The following TUFT1 variants were observed in gnomAD, a reference collection of about 807,000 sequenced individuals.
TUFT1 encodes the protein tuftelin 1.
TUFT1 carries 43 observed loss-of-function variants against 57.8 expected under a neutral mutation model. That is an observed-to-expected ratio of 0.74 (90% CI 0.58 to 0.96). The LOEUF (loss-of-function observed/expected upper bound fraction) is 0.96. TUFT1 is among the 40% of genes least tolerant of loss of function. TUFT1 has a pLI of 0.00. For synonymous variants in TUFT1, 166 were observed against 176.7 expected, an observed-to-expected ratio of 0.94 and a Z score of 0.48; for missense variants, 459 against 489.0, an observed-to-expected ratio of 0.94 and a Z score of 0.58.
At chr1:151,576,558 C>G (rs1244710909) in intron 9 of TUFT1, among the ~76,000 whole-genome samples, 2 of 152,178 alleles carry the variant, frequency 1.3e-5, no homozygotes, top group Non-Finnish European at 1.5e-5. Context: ...TGGGGGTTCC[C>G]ATATCCTCTT....
intron 1 of TUFT1, among the ~76,000 whole-genome samples, chr1:151,554,468 T>C (rs112511848): frequency 0.018 from 2,744 of 152,242 alleles, 70 homozygotes; most frequent in African/African-American, 0.062. Context: ...GGCACGATCT[T>C]GGCTCACTGC....
At chr1:151,552,812 C>G (rs115502990) in intron 1 of TUFT1, among the ~76,000 whole-genome samples, 10,733 of 148,522 alleles carry the variant, frequency 0.072, 516 homozygotes, top group Non-Finnish European at 0.091. Context: ...CAGAGGAAAA[C>G]GTCCATTATT....
intron 1 of TUFT1, among the ~76,000 whole-genome samples, chr1:151,546,286 A>G (rs888060398): frequency 1.3e-5 from 2 of 152,152 alleles, no homozygotes; most frequent in South Asian, 2.1e-4. Context: ...AAGTCTTTCC[A>G]GAGCCTCACT....
At chr1:151,565,396 G>T (rs970750079) in intron 5 of TUFT1, among the ~76,000 whole-genome samples, 5 of 152,270 alleles carry the variant, frequency 3.3e-5, no homozygotes, top group Non-Finnish European at 5.9e-5. Flanking sequence ...TCTTGCTCCA[G>T]CAGCAGCCCC....
chr1:151,557,935 C>G, intron 1 of TUFT1: 1 of 652,054 alleles, frequency 1.5e-6, no homozygotes, highest in Non-Finnish European at 2.9e-6. Context: ...TCAGCCACCT[C>G]AGTAAAATTG....
chr1:151,575,064 ATACAGCCTGTTGCTCCTGTGGTGGCCTGG>A (rs1666418706), intron 9 of TUFT1, 59 bp downstream of exon 9: 1 of 1,457,272 alleles, frequency 6.9e-7, no homozygotes. Flanking sequence ...AGGGCAGGCC[ATACAGCCTGTTGCTCCTGTGGTGGCCTGG>A]TCTGGGGAGG....
chr1:151,554,695 CTTTT>C (rs771656418), intron 1 of TUFT1, among the ~76,000 whole-genome samples: 9 of 85,674 alleles, frequency 1.1e-4, no homozygotes, highest in East Asian at 6.2e-4. Flanking sequence ...GCCCGGCCCC[CTTTT>C]TTTTTTTTTT....
Position 151,583,107 on chromosome 1 carries a change from T to G in TUFT1, c.*1400T>G, listed in dbSNP as rs1014277436. ...TGCCACCACGCCTGGCTGATTTTTG[T>G]ATTTTTAGTAGAGATGGGGTTTCAC... On this transcript the variant is annotated 3_prime_UTR_variant, in exon 13 of 13. Transcript: ENST00000368849. 2.0e-5 allele frequency: 3 copies of G among 152,134 alleles called. No homozygotes were observed. The highest frequency in any genetic ancestry group is 2.9e-5 in the Non-Finnish European group (2 of 68,052). The allele number at this position is 152,134 out of a possible 1,614,324, so 9.4% of individuals were successfully genotyped here.
At chr1:151,556,949 G>C (rs939518665) in intron 1 of TUFT1, among the ~76,000 whole-genome samples, 25 of 152,158 alleles carry the variant, frequency 1.6e-4, no homozygotes, top group African/African-American at 6.0e-4. Context: ...ACTCCAGCCT[G>C]GGTGACAGAA....
intron 2 of TUFT1, 50 bp downstream of exon 2, chr1:151,562,215 C>A (rs1665919982): frequency 3.3e-6 from 5 of 1,530,042 alleles, no homozygotes; most frequent in Admixed American, 3.4e-5. Flanking sequence ...CCAGTGCTTC[C>A]TTGCTGCTGG....
intron 7 of TUFT1, among the ~76,000 whole-genome samples, chr1:151,573,027 AG>A (rs1244594420): frequency 6.6e-6 from 1 of 152,236 alleles, no homozygotes; most frequent in Non-Finnish European, 1.5e-5. Flanking sequence ...GTCATTCACT[AG>A]CTGTGTAACC....
At chr1:151,554,490 C>T (rs71625124) in intron 1 of TUFT1, among the ~76,000 whole-genome samples, 1 of 152,144 alleles carries the variant, frequency 6.6e-6, no homozygotes, top group Non-Finnish European at 1.5e-5. Flanking sequence ...ACCTCTGCCT[C>T]CCGGGTTCAG....
At chr1:151,574,817 T>G (rs368392781) in intron 8 of TUFT1, 94 bp from the exon 9 acceptor site, 3 of 1,084,056 alleles carry the variant, frequency 2.8e-6, no homozygotes, top group Non-Finnish European at 4.1e-6. Context: ...CCAGGCCCAG[T>G]AGGGGCTGAG....
intron 1 of TUFT1, among the ~76,000 whole-genome samples, chr1:151,547,694 G>C (rs746965472): frequency 1.4e-4 from 21 of 152,196 alleles, no homozygotes; most frequent in African/African-American, 4.6e-4. Context: ...TTGATGCAGA[G>C]GGGGCACTGA....
chr1:151,573,383 GA>G (rs1394584352), intron 7 of TUFT1, among the ~76,000 whole-genome samples: 1 of 152,206 alleles, frequency 6.6e-6, no homozygotes, highest in African/African-American at 2.4e-5. Flanking sequence ...GAGTTGGAAA[GA>G]TGCAAGTTGG....
intron 10 of TUFT1, 29 bp from the exon 11 acceptor site, chr1:151,579,620 G>T: frequency 6.2e-7 from 1 of 1,612,282 alleles, no homozygotes; most frequent in South Asian, 1.1e-5. Context: ...ATTGCAAAAT[G>T]AGCTCCAGTG....
intron 9 of TUFT1, among the ~76,000 whole-genome samples, 180 bp downstream of exon 9, chr1:151,575,185 T>C (rs1361861206): frequency 6.6e-6 from 1 of 152,028 alleles, no homozygotes; most frequent in African/African-American, 2.4e-5. Flanking sequence ...GAGATACCAT[T>C]TGGGAGGCCG....
At position 151,549,754 on chromosome 1, in the gene TUFT1, G is replaced by A. The variant is rs1398071725; in HGVS notation, c.60+9328G>A. ...GTACTTTGTTTTGAAACAGAGTCTCGCTCTGTCACCTGGGTTGGAGTGCAT... is the reference window on the plus strand; with the variant it reads ...GTACTTTGTTTTGAAACAGAGTCTCACTCTGTCACCTGGGTTGGAGTGCAT... On this transcript the variant is annotated intron_variant, in intron 1 of 12. Transcript: ENST00000368849. Among the ~76,000 whole-genome samples the A allele has an allele frequency of 2.6e-5, 4 of 152,142 alleles. 1 individual carries two copies. The highest frequency in any genetic ancestry group is 4.1e-4 in the South Asian group (2 of 4,822).
intron 1 of TUFT1, among the ~76,000 whole-genome samples, chr1:151,559,431 T>C (rs1665813403): frequency 6.6e-6 from 1 of 152,052 alleles, no homozygotes; most frequent in Non-Finnish European, 1.5e-5. Context: ...AACATGAACT[T>C]GAGGAACTTG....
Sources: allele counts gnomAD v4.1 joint callset (sites outside exome capture counted in the v4.1 genomes callset), GRCh38; gene constraint gnomAD v4.1.1; transcripts MANE v1.5; gene names NCBI Gene and HGNC (gene_info 2026-07-23, HGNC 2026-07-21).